Variants in SLC13A1 observed in about 807,000 individuals in gnomAD.
SLC13A1 encodes the protein Na(+)/sulfate cotransporter.
Under a neutral mutation model 70.0 loss-of-function variants are expected in SLC13A1, and 65 were observed. The ratio of observed to expected loss-of-function variants is 0.93; its 90% confidence interval spans 0.76 to 1.14. The LOEUF is 1.14. Among genes scored for constraint, SLC13A1 ranks in the 50% most tolerant of loss-of-function variants. The pLI, the probability that SLC13A1 is intolerant of heterozygous loss-of-function variation, is 0.00. For synonymous variants in SLC13A1, 275 were observed against 250.5 expected, an observed-to-expected ratio of 1.10 and a Z score of -0.92; for missense variants, 726 against 717.8, an observed-to-expected ratio of 1.01 and a Z score of -0.13.
At chr7:123,131,009 A>G (rs528908226) in intron 8 of SLC13A1, among the ~76,000 whole-genome samples, 1 of 152,296 alleles carries the variant, frequency 6.6e-6, no homozygotes, top group Non-Finnish European at 1.5e-5. Context: ...CTAGATTCTT[A>G]TGGATTATCT....
chr7:123,164,084 G>C (rs1794998056), intron 6 of SLC13A1, among the ~76,000 whole-genome samples: 1 of 151,986 alleles, frequency 6.6e-6, no homozygotes, highest in Non-Finnish European at 1.5e-5. Flanking sequence ...GGTGATACAT[G>C]CTTTTGGATA....
chr7:123,175,690 A>T (rs551721469), intron 2 of SLC13A1, among the ~76,000 whole-genome samples: 54 of 152,282 alleles, frequency 3.5e-4, no homozygotes, highest in African/African-American at 1.3e-3. Context: ...AGCAATAAAT[A>T]TCTGTTGTTT....
intron 7 of SLC13A1, 148 bp downstream of exon 7, chr7:123,147,011 G>C: frequency 1.4e-6 from 1 of 729,206 alleles, no homozygotes; most frequent in Admixed American, 3.0e-5. Context: ...ATAAAGGAAG[G>C]TCTGTAGATC....
intron 1 of SLC13A1, among the ~76,000 whole-genome samples, chr7:123,181,615 C>T (rs1330410491): frequency 1.3e-5 from 2 of 152,068 alleles, no homozygotes; most frequent in Non-Finnish European, 2.9e-5. Flanking sequence ...CGTACTGTGT[C>T]TCAGAGAAAA....
intron 6 of SLC13A1, among the ~76,000 whole-genome samples, chr7:123,158,644 C>CACACACACACACACATAT (rs1794788104): frequency 6.7e-6 from 1 of 149,108 alleles, no homozygotes; most frequent in Admixed American, 6.7e-5. Flanking sequence ...AAAATTCTAT[C>CACACACACACACACATAT]ACACACACAC....
intron 7 of SLC13A1, among the ~76,000 whole-genome samples, chr7:123,140,672 A>G (rs543075384): frequency 5.6e-4 from 85 of 152,060 alleles, no homozygotes; most frequent in African/African-American, 2.0e-3. Context: ...CATGGCTAGG[A>G]ATTTGTCCAT....
chr7:123,132,098 A>T (rs578193160), intron 8 of SLC13A1, among the ~76,000 whole-genome samples: 1 of 152,318 alleles, frequency 6.6e-6, no homozygotes, highest in South Asian at 2.1e-4. Flanking sequence ...CTTAGTATGC[A>T]GCTGGCCTCT....
chr7:123,176,446 T>C (rs1361938934), intron 2 of SLC13A1, among the ~76,000 whole-genome samples: 1 of 152,208 alleles, frequency 6.6e-6, no homozygotes, highest in Non-Finnish European at 1.5e-5. Context: ...AACATAGTTA[T>C]ATTTCTGTCT....
chr7:123,190,484 G>A (rs1217086238), intron 1 of SLC13A1: 3 of 450,572 alleles, frequency 6.7e-6, no homozygotes, highest in Non-Finnish European at 1.3e-5. Flanking sequence ...CATAAGTAAG[G>A]GGGAAGGGTC....
intron 12 of SLC13A1, among the ~76,000 whole-genome samples, chr7:123,119,789 T>C (rs992821109): frequency 6.6e-6 from 1 of 151,982 alleles, no homozygotes; most frequent in Non-Finnish European, 1.5e-5. Flanking sequence ...ACCAAACATA[T>C]ATTTTTTGTT....
At chr7:123,117,371 T>C in intron 14 of SLC13A1, 100 bp downstream of exon 14, 8 of 1,201,682 alleles carry the variant, frequency 6.7e-6, no homozygotes, top group Non-Finnish European at 9.6e-6. Context: ...GCCCTGCTTT[T>C]CCTGGTGGTT....
At chr7:123,136,611 ACCAAGTG>A (rs772529066) in intron 7 of SLC13A1, among the ~76,000 whole-genome samples, 3 of 152,134 alleles carry the variant, frequency 2.0e-5, no homozygotes, top group Non-Finnish European at 4.4e-5. Flanking sequence ...TTTGGTATCT[ACCAAGTG>A]CCAGGTGCTC....
intron 10 of SLC13A1, among the ~76,000 whole-genome samples, chr7:123,128,636 G>A (rs1384756908): frequency 6.6e-6 from 1 of 152,124 alleles, no homozygotes; most frequent in Non-Finnish European, 1.5e-5. Context: ...TTCAGTAACA[G>A]AGTAAGTAAT....
At chr7:123,165,396 G>C (rs2462155) in intron 6 of SLC13A1, among the ~76,000 whole-genome samples, 23 of 151,942 alleles carry the variant, frequency 1.5e-4, no homozygotes, top group African/African-American at 2.2e-4. Flanking sequence ...ATGCATCTCC[G>C]TTATCTTTTC....
In SLC13A1 at chr7:123,134,533, T is replaced by C. The variant is rs1377486388; in HGVS notation, c.813-4A>G. 6.2e-7 allele frequency: 1 copy of C among 1,611,898 alleles called. No individual in the cohort carries two copies. The highest frequency in any genetic ancestry group is 8.5e-7 in the Non-Finnish European group (1 of 1,178,860). On this transcript the variant is annotated splice_polypyrimidine_tract_variant and splice_region_variant and intron_variant, in intron 7 of 14. Coordinates refer to ENST00000194130, the MANE Select transcript of SLC13A1 (RefSeq NM_022444.4). ...GCAACGACAGTCAGGATAGCGTCTG[T>C]GTGAAAACATGGAGACGTGTTCAGG... is the stretch of plus-strand genomic sequence containing the variant.
At chr7:123,153,166 AAATC>A (rs2116456237) in intron 6 of SLC13A1, among the ~76,000 whole-genome samples, 1 of 152,238 alleles carries the variant, frequency 6.6e-6, no homozygotes, top group South Asian at 2.1e-4. Context: ...TAAAACAAAA[AAATC>A]AAAACAGAAA....
intron 1 of SLC13A1, chr7:123,190,341 G>T: frequency 3.0e-6 from 1 of 333,074 alleles, no homozygotes; most frequent in South Asian, 2.4e-5. Flanking sequence ...TCCAACCTTG[G>T]CCTGGGGATT....
chr7:123,161,606 C>T (rs547807823), intron 6 of SLC13A1, among the ~76,000 whole-genome samples: 4 of 152,262 alleles, frequency 2.6e-5, no homozygotes, highest in African/African-American at 9.6e-5. Flanking sequence ...CTGCAAGTTT[C>T]CAGTGCTGGA....
At chr7:123,123,072 T>C (rs537652214) in intron 12 of SLC13A1, 54 bp downstream of exon 12, 102 of 1,310,018 alleles carry the variant, frequency 7.8e-5, no homozygotes, top group Non-Finnish European at 1.1e-4. Flanking sequence ...GTCTCTGTGC[T>C]CTTCTTTTGA....
Sources: allele counts gnomAD v4.1 joint callset (sites outside exome capture counted in the v4.1 genomes callset), GRCh38; gene constraint gnomAD v4.1.1; transcripts MANE v1.5; gene names NCBI Gene and HGNC (gene_info 2026-07-23, HGNC 2026-07-21).